Variants in LAMA2 observed in about 807,000 individuals in gnomAD.
LAMA2 encodes the protein laminin subunit alpha-2.
LAMA2 carries 269 observed loss-of-function variants against 364.8 expected under a neutral mutation model. The ratio of observed to expected loss-of-function variants is 0.74; its 90% CI spans 0.67 to 0.82. LAMA2 has a LOEUF of 0.82. Ranked by LOEUF, LAMA2 falls within the 40% of genes least tolerant of loss-of-function variation. The pLI is 0.00. For missense variants in LAMA2, 3,807 were observed against 3,873.2 expected (o/e 0.98, Z 0.45); for synonymous variants, 1,379 against 1,370.6 (o/e 1.01, Z -0.14).
At chr6:129,278,452 T>G (rs937192955) in intron 17 of LAMA2, among the ~76,000 whole-genome samples, 2 of 152,324 alleles carry the variant, frequency 1.3e-5, no homozygotes, top group Non-Finnish European at 2.9e-5. Context: ...CAGTTCTCAC[T>G]TTTATGTCTG....
intron 39 of LAMA2, among the ~76,000 whole-genome samples, chr6:129,403,245 CAATA>C (rs1361947679): frequency 1.6e-4 from 21 of 131,552 alleles, no homozygotes; most frequent in African/African-American, 6.4e-4. Flanking sequence ...AGACCTTGGA[CAATA>C]TATGAACTAT....
chr6:129,251,032 CTCTCTCTT>C (rs1334237834), intron 13 of LAMA2, among the ~76,000 whole-genome samples: 8 of 126,004 alleles, frequency 6.3e-5, no homozygotes, highest in African/African-American at 2.5e-4. Flanking sequence ...CTCTCTCTGT[CTCTCTCTT>C]TCTCTCTCTC....
At chr6:129,274,826 T>G (rs1788190485) in intron 17 of LAMA2, among the ~76,000 whole-genome samples, 1 of 152,018 alleles carries the variant, frequency 6.6e-6, no homozygotes, top group African/African-American at 2.4e-5. Context: ...TTCTTTAATT[T>G]CTGGCATCAC....
At position 129,200,135 on chromosome 6, in the gene LAMA2, CGT is replaced by C. The variant is rs1562323682; in HGVS notation, c.1782+7285_1782+7286del. Among the ~76,000 whole-genome samples the C allele has an allele frequency of 4.0e-4, 39 of 96,566 alleles. No homozygotes were observed. The East Asian group carries it at 4.2e-3, about 10-fold the overall frequency. 63.4% of individuals were successfully genotyped at this position (96,566 alleles called of 152,430 possible). ...ACGTATATATATGTGTATATATATA[CGT>C]GTACACATATACACGTGTATATATA... is the stretch of plus-strand genomic sequence containing the variant. On this transcript the variant is annotated intron_variant, in intron 12 of 64. Transcript: ENST00000421865.
chr6:129,373,946 T>A (rs1286676727), intron 34 of LAMA2, among the ~76,000 whole-genome samples: 1 of 152,176 alleles, frequency 6.6e-6, no homozygotes, highest in Non-Finnish European at 1.5e-5. Context: ...CTTTTCATAC[T>A]CTAATACTAT....
chr6:129,427,626 C>T lies in LAMA2; in HGVS notation c.5866-126C>T, dbSNP rs1271185219. 11 of 729,454 alleles carry T rather than the reference C, an allele frequency of 1.5e-5. No individual in the cohort carries two copies. In the Admixed American group the frequency reaches 2.2e-4, roughly 15 times the overall value. 45.2% of individuals were successfully genotyped at this position (729,454 alleles called of 1,614,324 possible). ...CTACCGAATATGTGCTAATAATTTA[C>T]AATTCTATATCTGCAGCCCAGAGCT... On this transcript the variant is annotated intron_variant, in intron 40 of 64. Transcript: ENST00000421865.
At chr6:129,009,520 G>A (rs756482856) in intron 1 of LAMA2, among the ~76,000 whole-genome samples, 3 of 152,142 alleles carry the variant, frequency 2.0e-5, no homozygotes, top group Non-Finnish European at 4.4e-5. Flanking sequence ...AAAGTGTGGA[G>A]TCATTAATTA....
rs398123369 is a variant in LAMA2 at position 129,252,236 on chromosome 6, G to C, written c.2037G>C (p.Ala679=). ...VRRKEFMTVL[A]NLKRVLLQIT... is the part of the protein sequence containing the mutation. ...GAAAGGAATTTATGACAGTGCTTGCGAATTTGAAGAGAGTCCTCCTACAAA... is the reference window on the plus strand; with the variant it reads ...GAAAGGAATTTATGACAGTGCTTGCCAATTTGAAGAGAGTCCTCCTACAAA... The change falls in exon 14 of 65, where the codon GCG becomes GCC. Residue 679 remains alanine (A), a synonymous_variant. Coordinates refer to ENST00000421865, the MANE Select transcript of LAMA2 (RefSeq NM_000426.4). 31 of 1,613,926 alleles carry C rather than the reference G, an allele frequency of 1.9e-5. No homozygotes were observed. The highest frequency in any genetic ancestry group is 2.5e-5 in the Non-Finnish European group (29 of 1,179,980).
At position 129,297,997 on chromosome 6, in the gene LAMA2, AT is replaced by A. The variant is rs1350662975; in HGVS notation, c.3037+137del. On this transcript the variant is annotated intron_variant, in intron 21 of 64. Coordinates refer to ENST00000421865, the MANE Select transcript of LAMA2 (RefSeq NM_000426.4). ...TTAACATAATGAGTAATGTCTACTT[AT>A]TTTTACGTTACTTAAAAAATGAAAT... The A allele has an allele frequency of 5.3e-6, 3 of 570,846 alleles. No individual in the cohort carries two copies. In the African/African-American group the frequency reaches 1.3e-4, roughly 24 times the overall value. 35.4% of individuals were successfully genotyped at this position (570,846 alleles called of 1,614,324 possible).
chr6:129,142,160 A>C (rs1401993309), intron 4 of LAMA2, among the ~76,000 whole-genome samples: 1 of 152,058 alleles, frequency 6.6e-6, no homozygotes, highest in African/African-American at 2.4e-5. Flanking sequence ...TGACCAAAAA[A>C]GATTATAATA....
At chr6:129,141,132 G>A (rs1778100324) in intron 4 of LAMA2, among the ~76,000 whole-genome samples, 1 of 151,988 alleles carries the variant, frequency 6.6e-6, no homozygotes, top group South Asian at 2.1e-4. Context: ...TATTTTTGGG[G>A]ACAGTCAAGA....
At chr6:129,426,002 G>A (rs1313754501) in intron 40 of LAMA2, among the ~76,000 whole-genome samples, 1 of 152,074 alleles carries the variant, frequency 6.6e-6, no homozygotes, top group African/African-American at 2.4e-5. Context: ...ACTGGGGAAA[G>A]CTGTTTTCTT....
intron 9 of LAMA2, among the ~76,000 whole-genome samples, chr6:129,169,188 C>T (rs1178893442): frequency 6.7e-6 from 1 of 150,018 alleles, no homozygotes; most frequent in Non-Finnish European, 1.5e-5. Context: ...GCCAGAACTT[C>T]CAACACTATG....
intron 1 of LAMA2, among the ~76,000 whole-genome samples, chr6:128,940,195 C>T (rs914896492): frequency 5.3e-5 from 8 of 152,058 alleles, no homozygotes; most frequent in African/African-American, 1.7e-4. Flanking sequence ...CCCTCACCTC[C>T]ACTTACCCTA....
chr6:129,239,756 T>C (rs956589950), intron 12 of LAMA2, among the ~76,000 whole-genome samples: 7 of 152,168 alleles, frequency 4.6e-5, no homozygotes, highest in Admixed American at 4.6e-4. Flanking sequence ...GCTCAAGCAA[T>C]CCTCCTGCCT....
intron 62 of LAMA2, among the ~76,000 whole-genome samples, chr6:129,511,520 T>C (rs528370413): frequency 6.5e-4 from 99 of 152,276 alleles, no homozygotes; most frequent in Non-Finnish European, 1.2e-3. Flanking sequence ...AGAACAAAAG[T>C]CTTTCATGTA....
intron 1 of LAMA2, among the ~76,000 whole-genome samples, chr6:128,992,821 T>C (rs191905656): frequency 6.6e-6 from 1 of 152,316 alleles, no homozygotes; most frequent in Admixed American, 6.5e-5. Flanking sequence ...TCCCTTGACA[T>C]TGATGATTTT....
At chr6:129,046,690 C>A (rs79557204) in intron 1 of LAMA2, among the ~76,000 whole-genome samples, 1 of 152,138 alleles carries the variant, frequency 6.6e-6, no homozygotes, top group African/African-American at 2.4e-5. Context: ...TATATCCAGA[C>A]AATTACATAA....
At chr6:129,275,402 T>C (rs539135613) in intron 17 of LAMA2, among the ~76,000 whole-genome samples, 1 of 152,126 alleles carries the variant, frequency 6.6e-6, no homozygotes, top group South Asian at 2.1e-4. Flanking sequence ...ATATTGGAAC[T>C]CATATATTTT....
Sources: gnomAD v4.1 joint callset for allele counts (sites outside exome capture counted in the v4.1 genomes callset) on GRCh38, gnomAD v4.1.1 for gene constraint, MANE v1.5 for transcripts, NCBI Gene and HGNC (gene_info 2026-07-23, HGNC 2026-07-21) for gene names.